KCNC2: variants seen among roughly 807,000 people sequenced by gnomAD.
KCNC2 encodes potassium voltage-gated channel subfamily C member 2.
KCNC2 carries 21 observed loss-of-function variants against 44.5 expected under a neutral mutation model. That is an observed-to-expected ratio of 0.47 (90% CI 0.33 to 0.68). KCNC2 has a LOEUF of 0.68. KCNC2 is among the 30% of genes least tolerant of loss of function. The pLI is 0.01. For synonymous variants in KCNC2, 391 were observed against 339.1 expected (o/e 1.15, Z -1.68); for missense variants, 589 against 826.2 (o/e 0.71, Z 3.52).
At chr12:75,160,297 A>G (rs1891038172) in intron 2 of KCNC2, among the ~76,000 whole-genome samples, 1 of 151,836 alleles carries the variant, frequency 6.6e-6, no homozygotes, top group Admixed American at 6.6e-5. Context: ...CAGACCTGTC[A>G]ACACCTTAAT....
intron 2 of KCNC2, among the ~76,000 whole-genome samples, chr12:75,167,699 C>T (rs1449349970): frequency 6.6e-6 from 1 of 151,378 alleles, no homozygotes. Flanking sequence ...GTGTTTATGG[C>T]TCTTGTGTTT....
intron 2 of KCNC2, among the ~76,000 whole-genome samples, chr12:75,076,800 A>G (rs1481929635): frequency 6.6e-6 from 1 of 152,194 alleles, no homozygotes; most frequent in African/African-American, 2.4e-5. Context: ...GTTTTCAGTT[A>G]AATATATCTA....
intron 2 of KCNC2, among the ~76,000 whole-genome samples, chr12:75,134,935 A>C (rs1381983933): frequency 6.6e-6 from 1 of 151,854 alleles, no homozygotes; most frequent in East Asian, 1.9e-4. Context: ...AGTCTGATTA[A>C]ACAGGCTTTA....
At chr12:75,084,091 A>C (rs1884743819) in intron 2 of KCNC2, among the ~76,000 whole-genome samples, 2 of 151,940 alleles carry the variant, frequency 1.3e-5, no homozygotes, top group African/African-American at 4.8e-5. Flanking sequence ...AACTACTTCA[A>C]GTGTGTTCAA....
intron 2 of KCNC2, among the ~76,000 whole-genome samples, chr12:75,093,593 C>T (rs1390809791): frequency 6.6e-6 from 1 of 151,466 alleles, no homozygotes; most frequent in Non-Finnish European, 1.5e-5. Flanking sequence ...AATTGAAGTA[C>T]CCTTAAATTT....
At chr12:75,064,465 G>A (rs995555363) in intron 2 of KCNC2, among the ~76,000 whole-genome samples, 1 of 151,948 alleles carries the variant, frequency 6.6e-6, no homozygotes, top group Non-Finnish European at 1.5e-5. Flanking sequence ...ACAAGGCTGA[G>A]TATAATGAAT....
intron 2 of KCNC2, among the ~76,000 whole-genome samples, chr12:75,188,500 A>G (rs899939408): frequency 4.6e-5 from 7 of 152,138 alleles, no homozygotes; most frequent in African/African-American, 1.7e-4. Context: ...AAAAATATTT[A>G]TTTACTATAT....
At chr12:75,092,140 T>C (rs1287233788) in intron 2 of KCNC2, among the ~76,000 whole-genome samples, 1 of 151,632 alleles carries the variant, frequency 6.6e-6, no homozygotes, top group Non-Finnish European at 1.5e-5. Context: ...CTCATCTGCA[T>C]TTTATTTTCA....
chr12:75,111,573 CAA>C (rs1415407175), intron 2 of KCNC2, among the ~76,000 whole-genome samples: 7 of 151,520 alleles, frequency 4.6e-5, no homozygotes, highest in Admixed American at 4.6e-4. Context: ...TATTTTTTTT[CAA>C]AGTGATTTTT....
intron 3 of KCNC2, among the ~76,000 whole-genome samples, chr12:75,049,449 T>C (rs1880930462): frequency 6.6e-6 from 1 of 152,138 alleles, no homozygotes; most frequent in Admixed American, 6.6e-5. Flanking sequence ...AAAAGCTAAT[T>C]AAATTGTTTA....
chr12:75,204,805 G>C (rs2031558486), intron 2 of KCNC2, among the ~76,000 whole-genome samples: 1 of 152,140 alleles, frequency 6.6e-6, no homozygotes, highest in Non-Finnish European at 1.5e-5. Flanking sequence ...ATAGAATGGT[G>C]ACTTATGATT....
At position 75,209,747 on chromosome 12, in the gene KCNC2, G is replaced by GT. The variant is rs2031993204; in HGVS notation, c.-561dup. On this transcript the variant is annotated 5_prime_UTR_variant, in exon 1 of 5. Coordinates refer to ENST00000549446, the MANE Select transcript of KCNC2 (RefSeq NM_139137.4). ...TCCGAAGCACAGGGCTCAGGAAAGA[G>GT]TGGGTGGGTGGGTCTGGAGAAGCTA... The GT allele has an allele frequency of 6.6e-6, 1 of 152,148 alleles. No individual in the cohort carries two copies. The highest frequency in any genetic ancestry group is 1.5e-5 in the Non-Finnish European group (1 of 68,150). The allele number at this position is 152,148 out of a possible 1,614,324, so 9.4% of individuals were successfully genotyped here. A position where few individuals can be genotyped will look rare whatever the true frequency, so the allele number is the denominator to read the frequency against.
At chr12:75,110,685 C>T (rs1179305878) in intron 2 of KCNC2, among the ~76,000 whole-genome samples, 3 of 151,936 alleles carry the variant, frequency 2.0e-5, no homozygotes, top group Admixed American at 6.6e-5. Context: ...ATGTGGTGTT[C>T]TAATTATGGA....
chr12:75,167,220 C>T (rs905251264), intron 2 of KCNC2, among the ~76,000 whole-genome samples: 37 of 151,270 alleles, frequency 2.4e-4, no homozygotes, highest in African/African-American at 8.7e-4. Flanking sequence ...TTTAAGCAAA[C>T]ATATGGATGA....
At chr12:75,178,161 G>A (rs549114480) in intron 2 of KCNC2, among the ~76,000 whole-genome samples, 3 of 152,088 alleles carry the variant, frequency 2.0e-5, no homozygotes, top group African/African-American at 7.2e-5. Flanking sequence ...AAATAGTCAA[G>A]AGACTCTTCT....
At chr12:75,127,758 A>C (rs982206781) in intron 2 of KCNC2, among the ~76,000 whole-genome samples, 6 of 152,186 alleles carry the variant, frequency 3.9e-5, no homozygotes, top group African/African-American at 1.2e-4. Context: ...AAGCTAAGAA[A>C]GAGCATCACA....
At chr12:75,081,940 TTA>T (rs1260765410) in intron 2 of KCNC2, among the ~76,000 whole-genome samples, 2 of 152,000 alleles carry the variant, frequency 1.3e-5, no homozygotes, top group African/African-American at 4.8e-5. Flanking sequence ...TTCAAAATGA[TTA>T]TCTTATAGAA....
chr12:75,194,102 A>G (rs1222853871), intron 2 of KCNC2, among the ~76,000 whole-genome samples: 4 of 152,198 alleles, frequency 2.6e-5, no homozygotes, highest in Non-Finnish European at 5.9e-5. Flanking sequence ...TGTTGTCAAA[A>G]TGGAAAAATT....
chr12:75,150,811 A>G (rs892027285), intron 2 of KCNC2, among the ~76,000 whole-genome samples: 5 of 151,896 alleles, frequency 3.3e-5, no homozygotes, highest in African/African-American at 1.2e-4. Flanking sequence ...TACTTTCATA[A>G]CTAGATTTTT....
Sources: gnomAD v4.1 joint callset for allele counts (sites outside exome capture counted in the v4.1 genomes callset) on GRCh38, gnomAD v4.1.1 for gene constraint, MANE v1.5 for transcripts, NCBI Gene and HGNC (gene_info 2026-07-23, HGNC 2026-07-21) for gene names.